Variants in TNRC6B observed in about 807,000 individuals in gnomAD.
TNRC6B encodes the protein trinucleotide repeat-containing gene 6B protein.
In TNRC6B, 52 loss-of-function variants were observed where a neutral mutation model predicts 203.6. That is an observed-to-expected ratio of 0.26 (90% CI 0.20 to 0.32). The LOEUF (loss-of-function observed/expected upper bound fraction) is 0.32, where lower values mean the gene tolerates loss of function less well. TNRC6B is among the 10% of genes least tolerant of loss of function. The probability of loss-of-function intolerance (pLI) is 1.00; values close to 1 mark genes in which losing one functional copy is unlikely to be tolerated. For missense variants in TNRC6B, 1,923 were observed against 2,286.2 expected, an observed-to-expected ratio of 0.84 and a Z score of 3.24; for synonymous variants, 838 against 845.7, an observed-to-expected ratio of 0.99 and a Z score of 0.16.
At chr22:40,301,822 CTT>C (rs1271299397) in intron 15 of TNRC6B, among the ~76,000 whole-genome samples, 1 of 152,106 alleles carries the variant, frequency 6.6e-6, no homozygotes, top group African/African-American at 2.4e-5. Flanking sequence ...AAATCTGAAA[CTT>C]TTTGATCACC....
intron 1 of TNRC6B, among the ~76,000 whole-genome samples, chr22:40,242,671 C>T (rs1001230698): frequency 6.6e-6 from 1 of 152,016 alleles, no homozygotes; most frequent in African/African-American, 2.4e-5. Context: ...CTCAGGTGAT[C>T]CACCCGCCTT....
intron 4 of TNRC6B, among the ~76,000 whole-genome samples, chr22:40,160,591 C>G (rs1014152045): frequency 6.6e-6 from 1 of 151,986 alleles, no homozygotes; most frequent in Non-Finnish European, 1.5e-5. Flanking sequence ...GATTGATTGA[C>G]TGATTGACAG....
At chr22:40,184,918 G>A (rs558451860) in intron 1 of TNRC6B, among the ~76,000 whole-genome samples, 1 of 152,194 alleles carries the variant, frequency 6.6e-6, no homozygotes, top group Non-Finnish European at 1.5e-5. Context: ...GAGATATCCA[G>A]GTGAAAGGCT....
intron 1 of TNRC6B, among the ~76,000 whole-genome samples, chr22:40,081,708 C>T (rs1359519998): frequency 6.6e-6 from 1 of 152,178 alleles, no homozygotes; most frequent in Non-Finnish European, 1.5e-5. Context: ...CTAAATGAGA[C>T]AGTATCTCTG....
chr22:40,244,571 C>T (rs550912247), intron 1 of TNRC6B, among the ~76,000 whole-genome samples: 5 of 152,102 alleles, frequency 3.3e-5, no homozygotes, highest in South Asian at 4.2e-4. Flanking sequence ...ACTAGATCTC[C>T]GCTTCCCAAA....
At chr22:40,178,407 A>G (rs1339408369) in intron 1 of TNRC6B, among the ~76,000 whole-genome samples, 1 of 152,232 alleles carries the variant, frequency 6.6e-6, no homozygotes, top group East Asian at 1.9e-4. Context: ...CTATCTTGCA[A>G]TAAATGAAGC....
At chr22:40,156,246 T>C in intron 4 of TNRC6B, 3 of 1,456,970 alleles carry the variant, frequency 2.1e-6, no homozygotes, top group Non-Finnish European at 2.8e-6. Flanking sequence ...TGGTTCAACA[T>C]GCTGATAAGC....
chr22:40,136,072 G>A (rs1170035068), intron 3 of TNRC6B, among the ~76,000 whole-genome samples: 1 of 152,156 alleles, frequency 6.6e-6, no homozygotes, highest in East Asian at 1.9e-4. Context: ...ATTGGGAGGC[G>A]AGGACTGGCA....
intron 1 of TNRC6B, among the ~76,000 whole-genome samples, chr22:40,049,553 C>T (rs1313147399): frequency 6.6e-6 from 1 of 152,126 alleles, no homozygotes; most frequent in Non-Finnish European, 1.5e-5. Flanking sequence ...ATATCCATGC[C>T]TCACCTCTCT....
intron 15 of TNRC6B, among the ~76,000 whole-genome samples, chr22:40,305,957 C>T (rs376203459): frequency 6.6e-6 from 1 of 151,644 alleles, no homozygotes. Context: ...TTCTGCATTT[C>T]ATTTGTCACC....
chr22:40,104,081 T>C (rs2068262094), intron 1 of TNRC6B, among the ~76,000 whole-genome samples: 1 of 151,878 alleles, frequency 6.6e-6, no homozygotes, highest in Non-Finnish European at 1.5e-5. Context: ...TGAAACCCTG[T>C]CTCTACTAAA....
At chr22:40,146,144 T>C (rs1203055388) in intron 3 of TNRC6B, among the ~76,000 whole-genome samples, 2 of 152,180 alleles carry the variant, frequency 1.3e-5, no homozygotes, top group Non-Finnish European at 2.9e-5. Context: ...AACAACTTTG[T>C]TGTGCCAGGC....
intron 4 of TNRC6B, among the ~76,000 whole-genome samples, chr22:40,156,776 T>C (rs1231504503): frequency 7.2e-6 from 1 of 138,306 alleles, no homozygotes; most frequent in African/African-American, 2.8e-5. Flanking sequence ...TTTTTTTTCT[T>C]GAGACGGAGT....
intron 17 of TNRC6B, among the ~76,000 whole-genome samples, chr22:40,312,167 G>A (rs2071193812): frequency 6.6e-6 from 1 of 152,212 alleles, no homozygotes. Flanking sequence ...TGGCCTAGAT[G>A]CTGGGATGAT....
At chr22:40,263,528 G>A (rs1347679684) in intron 4 of TNRC6B, among the ~76,000 whole-genome samples, 2 of 152,122 alleles carry the variant, frequency 1.3e-5, no homozygotes, top group African/African-American at 4.8e-5. Flanking sequence ...AACGGAGGAG[G>A]CCCCTAAATC....
intron 12 of TNRC6B, among the ~76,000 whole-genome samples, chr22:40,292,752 G>C (rs1237513515): frequency 1.3e-5 from 2 of 152,226 alleles, no homozygotes; most frequent in Admixed American, 6.5e-5. Flanking sequence ...GAGAGGGGCA[G>C]TACATTTGCA....
chr22:40,078,228 T>C (rs760894514), intron 1 of TNRC6B, among the ~76,000 whole-genome samples: 19 of 152,204 alleles, frequency 1.2e-4, no homozygotes, highest in Non-Finnish European at 2.4e-4. Flanking sequence ...AGTTTCTTAA[T>C]AAAAATTATT....
chr22:40,075,728 C>T (rs1029953599), intron 1 of TNRC6B, among the ~76,000 whole-genome samples: 1 of 151,952 alleles, frequency 6.6e-6, no homozygotes, highest in Non-Finnish European at 1.5e-5. Flanking sequence ...TTTTTGATTA[C>T]TTTTTTACTA....
chr22:40,102,847 G>C (rs1168084000), intron 1 of TNRC6B, among the ~76,000 whole-genome samples: 1 of 152,180 alleles, frequency 6.6e-6, no homozygotes, highest in Non-Finnish European at 1.5e-5. Flanking sequence ...GGGAGGCTGA[G>C]GCCGGTGGAT....
Sources: allele counts gnomAD v4.1 joint callset (sites outside exome capture counted in the v4.1 genomes callset), GRCh38; gene constraint gnomAD v4.1.1; transcripts MANE v1.5; gene names NCBI Gene and HGNC (gene_info 2026-07-23, HGNC 2026-07-21).